Variants in CFAP77 observed in about 807,000 individuals in gnomAD.
CFAP77 encodes the protein cilia- and flagella-associated protein 77.
CFAP77 carries 25 observed loss-of-function variants against 31.1 expected under a neutral mutation model. That is an observed-to-expected ratio of 0.80 (90% confidence interval 0.59 to 1.12). CFAP77 has a LOEUF of 1.12. Ranked by LOEUF, CFAP77 falls within the 50% of genes most tolerant of loss-of-function variation. The pLI, the probability that CFAP77 is intolerant of heterozygous loss-of-function variation, is 0.00. For missense variants in CFAP77, 377 were observed against 397.3 expected, an observed-to-expected ratio of 0.95 and a Z score of 0.44; for synonymous variants, 151 against 159.9, an observed-to-expected ratio of 0.94 and a Z score of 0.42.
intron 3 of CFAP77, among the ~76,000 whole-genome samples, chr9:132,534,324 C>G (rs1302551037): frequency 6.6e-6 from 1 of 152,082 alleles, no homozygotes; most frequent in Non-Finnish European, 1.5e-5. Context: ...CTATAAAGAA[C>G]TTTTCCGGCC....
intron 1 of CFAP77, among the ~76,000 whole-genome samples, chr9:132,468,250 G>T (rs756809157): frequency 6.6e-6 from 1 of 152,154 alleles, no homozygotes; most frequent in African/African-American, 2.4e-5. Flanking sequence ...GGAGGCTGAG[G>T]GGGGAGGATT....
intron 1 of CFAP77, among the ~76,000 whole-genome samples, chr9:132,434,787 T>A (rs958446351): frequency 7.9e-5 from 12 of 152,338 alleles, no homozygotes; most frequent in African/African-American, 2.9e-4. Context: ...GCTTCTGGTC[T>A]GGCTTTTGAT....
intron 1 of CFAP77, among the ~76,000 whole-genome samples, chr9:132,425,898 C>T (rs895814276): frequency 1.3e-5 from 2 of 152,186 alleles, no homozygotes; most frequent in Admixed American, 6.5e-5. Context: ...GTCACTCAGA[C>T]GGCCCTCTCC....
chr9:132,572,619 G>T lies in CFAP77; in HGVS notation c.*109G>T. 2.7e-6 allele frequency: 3 copies of T among 1,104,312 alleles called. No individual in the cohort carries two copies. The highest frequency in any genetic ancestry group is 3.8e-6 in the Non-Finnish European group (3 of 787,496). 68.4% of individuals were successfully genotyped at this position (1,104,312 alleles called of 1,614,324 possible). A position where few individuals can be genotyped will look rare whatever the true frequency, so the allele number is the denominator to read the frequency against. On this transcript the variant is annotated 3_prime_UTR_variant, in exon 6 of 6. Coordinates refer to ENST00000393216, the MANE Select transcript of CFAP77 (RefSeq NM_001282957.2). ...ATTCCCCCATTTTTATGCAGGTTCT[G>T]CTTCAAGGAGCTCAGATTCAAGTCT...
intron 1 of CFAP77, among the ~76,000 whole-genome samples, chr9:132,461,684 A>C (rs1432991996): frequency 6.6e-6 from 1 of 152,212 alleles, no homozygotes; most frequent in Non-Finnish European, 1.5e-5. Flanking sequence ...GCAAAGGCAG[A>C]ACTGCTCCCC....
rs1228594656 is a variant in CFAP77, at chr9:132,552,075, T to A, written c.732+9028T>A. On this transcript the variant is annotated intron_variant, in intron 5 of 5. Transcript: ENST00000393216. This position sits in a 1 kb window ranked among gnomAD's most constrained non-coding sequence, Gnocchi z 5.5. ...AAGGAAAGAGGCGGCTGATCCCGGA[T>A]TCAGGCTTACTGCGTTAAAAGTGGG... Among the ~76,000 whole-genome samples the A allele has an allele frequency of 6.6e-6, 1 of 152,228 alleles. No individual in the cohort carries two copies. Among genetic ancestry groups the A allele is most frequent in the African/African-American group, 2.4e-5 (1 of 41,466 alleles).
chr9:132,548,286 G>GGGGGGGGGGGGGGGGGGGGC (rs1564248910), intron 5 of CFAP77, among the ~76,000 whole-genome samples: 1 of 128,888 alleles, frequency 7.8e-6, no homozygotes, highest in African/African-American at 2.9e-5. Context: ...GGGGGGTGGG[G>GGGGGGGGGGGGGGGGGGGGC]GGTGAAGCTG....
At chr9:132,452,341 G>C (rs1016758702) in intron 1 of CFAP77, among the ~76,000 whole-genome samples, 14 of 152,208 alleles carry the variant, frequency 9.2e-5, no homozygotes, top group Non-Finnish European at 1.0e-4. Context: ...ACAGCAGCCA[G>C]GTGGCGTTGG....
At chr9:132,493,650 GC>G (rs1851687263) in intron 1 of CFAP77, among the ~76,000 whole-genome samples, 1 of 152,166 alleles carries the variant, frequency 6.6e-6, no homozygotes, top group Non-Finnish European at 1.5e-5. Context: ...TTCGGTCACT[GC>G]CCCCACCCAG....
At chr9:132,461,632 A>G (rs1851051448) in intron 1 of CFAP77, among the ~76,000 whole-genome samples, 1 of 152,182 alleles carries the variant, frequency 6.6e-6, no homozygotes, top group Non-Finnish European at 1.5e-5. Context: ...CGGGACGGCC[A>G]AGGGAAGACT....
chr9:132,494,921 A>T (rs1325251548), intron 1 of CFAP77, among the ~76,000 whole-genome samples: 1 of 152,206 alleles, frequency 6.6e-6, no homozygotes, highest in African/African-American at 2.4e-5. Flanking sequence ...TATGGATAAG[A>T]CTACTTTATT....
chr9:132,464,194 C>T (rs900100729), intron 1 of CFAP77, among the ~76,000 whole-genome samples: 3 of 152,216 alleles, frequency 2.0e-5, no homozygotes, highest in Non-Finnish European at 4.4e-5. Context: ...GAAACATGCA[C>T]ATCTTCCCAT....
rs1468413314 is a variant in CFAP77, at chr9:132,481,080, T to C, written c.196-17615T>C. On this transcript the variant is annotated intron_variant, in intron 1 of 5. Transcript: ENST00000393216. This position sits in a 1 kb window ranked among gnomAD's most constrained non-coding sequence, Gnocchi z 5.0. The stretch of plus-strand genomic sequence containing the variant: ...TAAAATATCTCCAACAAGCAGAATT[T>C]TAGCCATTTAGAGCCCACCTGCTTT... Among the ~76,000 whole-genome samples, 2 of 152,162 alleles carry C rather than the reference T, an allele frequency of 1.3e-5. No individual in the cohort carries two copies. Among genetic ancestry groups the C allele is most frequent in the East Asian group, 3.9e-4 (2 of 5,190 alleles).
chr9:132,525,403 T>TA (rs151119097), intron 3 of CFAP77, among the ~76,000 whole-genome samples: 2,077 of 152,232 alleles, frequency 0.014, 43 homozygotes, highest in African/African-American at 0.047. Context: ...TGATTGCATT[T>TA]AAAAAAAATT....
intron 4 of CFAP77, among the ~76,000 whole-genome samples, chr9:132,541,087 C>T (rs1170728438): frequency 2.6e-5 from 4 of 152,264 alleles, no homozygotes; most frequent in South Asian, 2.1e-4. Flanking sequence ...CTTGCTTAGA[C>T]GGTCAGTTTG....
intron 5 of CFAP77, 71 bp downstream of exon 5, chr9:132,543,118 C>A (rs1465680740): frequency 8.4e-5 from 105 of 1,243,782 alleles, no homozygotes; most frequent in Non-Finnish European, 7.1e-6. Flanking sequence ...AGGTCCTTAC[C>A]TGCTGTCTCT....
At position 132,533,427 on chromosome 9, in the gene CFAP77, AAC is replaced by A. The variant is rs201199273; in HGVS notation, c.525-4172_525-4171del. 5.0e-3 allele frequency among the ~76,000 whole-genome samples: 752 copies of A among 149,256 alleles called. 5 individuals are homozygous for A. Among genetic ancestry groups the A allele is most frequent in the African/African-American group, 0.018 (699 of 38,692 alleles). On this transcript the variant is annotated intron_variant, in intron 3 of 5. Coordinates refer to ENST00000393216, the MANE Select transcript of CFAP77 (RefSeq NM_001282957.2). ...ACAATTCTGGAGGCCAGAAGCATGA[AAC>A]AGGAGTCAGCAGGCCCCGCTCCCTC...
At chr9:132,427,737 A>G (rs1439888712) in intron 1 of CFAP77, among the ~76,000 whole-genome samples, 1 of 152,240 alleles carries the variant, frequency 6.6e-6, no homozygotes, top group Non-Finnish European at 1.5e-5. Flanking sequence ...TGGTTTGTAG[A>G]TGGCCCTCAT....
intron 1 of CFAP77, among the ~76,000 whole-genome samples, chr9:132,453,840 A>G (rs1200184674): frequency 6.6e-6 from 1 of 152,180 alleles, no homozygotes; most frequent in Non-Finnish European, 1.5e-5. Flanking sequence ...CGTAAGAGCC[A>G]TTTGCTTTTC....
Sources: allele counts gnomAD v4.1 joint callset (sites outside exome capture counted in the v4.1 genomes callset), GRCh38; gene constraint gnomAD v4.1.1; non-coding constraint Gnocchi (gnomAD v3.1); transcripts MANE v1.5; gene names NCBI Gene and HGNC (gene_info 2026-07-23, HGNC 2026-07-21).